Variants in LRRIQ1 observed in about 807,000 individuals in gnomAD.
LRRIQ1 encodes leucine-rich repeat- and IQ domain-containing protein 1.
A neutral mutation model predicts 211.9 loss-of-function variants in LRRIQ1; 210 were observed. The ratio of observed to expected loss-of-function variants is 0.99; its 90% CI spans 0.89 to 1.11. The LOEUF is 1.11. Among genes scored for constraint, LRRIQ1 ranks in the 50% most tolerant of loss-of-function variants. The pLI, the probability that LRRIQ1 is intolerant of heterozygous loss-of-function variation, is 0.00. For missense variants in LRRIQ1, 2,136 were observed against 1,939.5 expected (o/e 1.10, Z -1.90); for synonymous variants, 699 against 650.1 (o/e 1.08, Z -1.14).
intron 19 of LRRIQ1, among the ~76,000 whole-genome samples, chr12:85,138,230 T>C (rs1889274925): frequency 6.6e-6 from 1 of 151,526 alleles, no homozygotes; most frequent in Admixed American, 6.6e-5. Flanking sequence ...GGAATTAACA[T>C]TGATGTAATA....
chr12:85,089,468 A>G (rs1360053985), intron 11 of LRRIQ1, among the ~76,000 whole-genome samples: 2 of 152,238 alleles, frequency 1.3e-5, no homozygotes, highest in East Asian at 3.8e-4. Flanking sequence ...AAATGCTGAT[A>G]GTGATATGGA....
intron 24 of LRRIQ1, among the ~76,000 whole-genome samples, chr12:85,208,321 ATGTGCCTCCAGG>A (rs1893666374): frequency 6.6e-6 from 1 of 152,164 alleles, no homozygotes; most frequent in Admixed American, 6.5e-5. Flanking sequence ...GTAAGGAGGA[ATGTGCCTCCAGG>A]TACCTGCCAA....
chr12:85,235,433 A>G (rs895290114), intron 26 of LRRIQ1, among the ~76,000 whole-genome samples: 3 of 152,184 alleles, frequency 2.0e-5, no homozygotes, highest in Non-Finnish European at 2.9e-5. Context: ...GGAACAGAGG[A>G]AAATGGTGAC....
chr12:85,193,858 A>G (rs1250446491), intron 24 of LRRIQ1, among the ~76,000 whole-genome samples: 4 of 149,868 alleles, frequency 2.7e-5, no homozygotes, highest in Admixed American at 1.3e-4. Flanking sequence ...AAATGCTCCA[A>G]TTAAAAGACA....
chr12:85,213,247 A>G (rs932999746), intron 24 of LRRIQ1, among the ~76,000 whole-genome samples: 3 of 151,938 alleles, frequency 2.0e-5, no homozygotes, highest in Non-Finnish European at 4.4e-5. Context: ...AAATTACCAA[A>G]CATAAAGAGC....
intron 17 of LRRIQ1, among the ~76,000 whole-genome samples, chr12:85,126,564 C>G (rs1888381591): frequency 6.6e-6 from 1 of 151,988 alleles, no homozygotes; most frequent in African/African-American, 2.4e-5. Flanking sequence ...TCTGTTTACC[C>G]TAGGAGGAGG....
chr12:85,124,103 C>CT lies in LRRIQ1; in HGVS notation c.3592dup (p.Cys1198LeufsTer5). The CT allele has an allele frequency of 1.9e-6, 3 of 1,613,384 alleles. No homozygotes were observed. The highest frequency in any genetic ancestry group is 2.5e-6 in the Non-Finnish European group (3 of 1,179,462). On this transcript the variant is annotated frameshift_variant, in exon 17 of 27. Transcript: ENST00000393217. LOFTEE classifies it high-confidence loss of function. ...TTACCTTGGATACTGCAGAAAATCT[C>CT]TGTCATTATTTTAAGAAATTGATGA...
At chr12:85,074,360 T>C (rs190701715) in intron 11 of LRRIQ1, among the ~76,000 whole-genome samples, 39 of 152,128 alleles carry the variant, frequency 2.6e-4, no homozygotes, top group Admixed American at 9.2e-4. Flanking sequence ...AATGTGATGT[T>C]TTGACATAGG....
intron 25 of LRRIQ1, among the ~76,000 whole-genome samples, chr12:85,231,336 T>C (rs1284053984): frequency 6.6e-6 from 1 of 152,214 alleles, no homozygotes; most frequent in South Asian, 2.1e-4. Flanking sequence ...ATCTGAATTA[T>C]GTCAGATTGT....
downstream of LRRIQ1, among the ~76,000 whole-genome samples, chr12:85,245,498 A>G (rs1227033600): frequency 1.5e-5 from 2 of 135,576 alleles, no homozygotes; most frequent in Non-Finnish European, 3.0e-5. Context: ...TATATTAAAT[A>G]TATAATACAT....
At chr12:85,265,492 G>A (rs1896400064), downstream of LRRIQ1, among the ~76,000 whole-genome samples, 2 of 151,910 alleles carry the variant, frequency 1.3e-5, no homozygotes, top group Non-Finnish European at 2.9e-5. Flanking sequence ...TCTATTATCT[G>A]CCATGATATT....
At chr12:85,200,901 C>A (rs947555226) in intron 24 of LRRIQ1, among the ~76,000 whole-genome samples, 3 of 151,940 alleles carry the variant, frequency 2.0e-5, no homozygotes, top group African/African-American at 7.3e-5. Context: ...CTCACTGCAA[C>A]CTTCACCTCC....
In LRRIQ1 at chr12:85,055,960, T is replaced by G. The variant is rs551415243; in HGVS notation, c.1167T>G (p.Asp389Glu). ...AGGAAAAAATAATATTAAGAGAAGA[T>G]GCAAGCCAACAGCTAATAATAAGTA... is the stretch of plus-strand genomic sequence containing the variant. ...ISKEKIILREDASQQLIISSA... is the reference protein window; with the variant it reads ...ISKEKIILREEASQQLIISSA... Residue 389 changes from aspartate to glutamate, a missense_variant, in exon 8 of 27, where the codon GAT becomes GAG. Coordinates refer to ENST00000393217, the MANE Select transcript of LRRIQ1 (RefSeq NM_001079910.2). 7 of 1,609,032 alleles carry G rather than the reference T, an allele frequency of 4.4e-6. No individual in the cohort carries two copies. In the African/African-American group the frequency reaches 8.0e-5, roughly 18 times the overall value.
intron 8 of LRRIQ1, among the ~76,000 whole-genome samples, chr12:85,058,593 A>G (rs1881410076): frequency 6.6e-6 from 1 of 151,886 alleles, no homozygotes; most frequent in Non-Finnish European, 1.5e-5. Context: ...GGAAGTTAAG[A>G]TGTGTGAGCC....
chr12:85,190,296 TTA>T (rs985612479), intron 24 of LRRIQ1, among the ~76,000 whole-genome samples: 4 of 145,046 alleles, frequency 2.8e-5, no homozygotes, highest in Admixed American at 2.1e-4. Context: ...AGTTAATAAT[TTA>T]TGTTATTAAC....
At position 85,121,809 on chromosome 12, in the gene LRRIQ1, C is replaced by T. The variant is rs1888009694; in HGVS notation, c.3490C>T (p.Leu1164=). Residue 1164 remains leucine (L), a synonymous_variant, in exon 16 of 27, where the codon CTG becomes TTG. Transcript: ENST00000393217. The part of the protein sequence containing the change: ...EHNQLGSAGF[L]ALCQSQIREF... The stretch of plus-strand genomic sequence containing the variant: ...CAATCAACTGGGATCAGCAGGTTTC[C>T]TGGCACTTTGTCAGTCTCAGATTCG... The T allele has an allele frequency of 6.2e-7, 1 of 1,607,524 alleles. No homozygotes were observed. Among genetic ancestry groups the T allele is most frequent in the Non-Finnish European group, 8.5e-7 (1 of 1,177,038 alleles).
intron 23 of LRRIQ1, among the ~76,000 whole-genome samples, chr12:85,156,113 G>A (rs10160886): frequency 0.28 from 41,870 of 151,404 alleles, 5,927 homozygotes; most frequent in Admixed American, 0.33. Flanking sequence ...TATGGGGACT[G>A]TTACTCCAAT....
chr12:85,160,181 G>T (rs1454195808), intron 23 of LRRIQ1, among the ~76,000 whole-genome samples: 1 of 151,824 alleles, frequency 6.6e-6, no homozygotes, highest in African/African-American at 2.4e-5. Context: ...AATATTAATA[G>T]ATCTTGAATA....
At chr12:85,179,282 A>G (rs1343252622) in intron 24 of LRRIQ1, among the ~76,000 whole-genome samples, 1 of 151,886 alleles carries the variant, frequency 6.6e-6, no homozygotes, top group African/African-American at 2.4e-5. Flanking sequence ...ACCTTCACAT[A>G]TCCCACTGAC....
Sources: allele counts gnomAD v4.1 joint callset (sites outside exome capture counted in the v4.1 genomes callset), GRCh38; gene constraint gnomAD v4.1.1; transcripts MANE v1.5; gene names NCBI Gene and HGNC (gene_info 2026-07-23, HGNC 2026-07-21).